The following NMBR variants were observed in gnomAD, a reference collection of about 807,000 sequenced individuals.
NMBR encodes neuromedin-B receptor.
In NMBR, 16 loss-of-function variants were observed where a neutral mutation model predicts 20.5. That is an observed-to-expected ratio of 0.78 (90% confidence interval 0.53 to 1.19). The LOEUF is 1.19. Among genes scored for constraint, NMBR ranks in the 50% most tolerant of loss-of-function variants. The pLI is 0.00. For missense variants in NMBR, 582 were observed against 499.1 expected (o/e 1.17, Z -1.58); for synonymous variants, 212 against 196.6 (o/e 1.08, Z -0.65).
At chr6:142,143,104 A>G (rs1380252179) in intron 1 of NMBR, among the ~76,000 whole-genome samples, 2 of 152,026 alleles carry the variant, frequency 1.3e-5, no homozygotes, top group African/African-American at 2.4e-5. Context: ...ATATAAATAA[A>G]CTTATGAGGA....
chr6:142,133,608 A>C (rs1582863225), intron 1 of NMBR, among the ~76,000 whole-genome samples: 1 of 152,160 alleles, frequency 6.6e-6, no homozygotes, highest in South Asian at 2.1e-4. Flanking sequence ...AAGCTGTATA[A>C]ATATTTCCAA....
chr6:142,116,988 T>C (rs924673764), intron 1 of NMBR, among the ~76,000 whole-genome samples: 22 of 151,994 alleles, frequency 1.4e-4, no homozygotes, highest in African/African-American at 5.3e-4. Flanking sequence ...ATAAAAACTA[T>C]TATTAAAAAC....
intron 1 of NMBR, chr6:142,133,783 AT>A: frequency 3.7e-6 from 2 of 547,182 alleles, no homozygotes; most frequent in South Asian, 2.8e-5. Flanking sequence ...TGATATAAGG[AT>A]TTTTTTAAAT....
intron 2 of NMBR, among the ~76,000 whole-genome samples, chr6:142,079,684 T>C (rs921473906): frequency 6.6e-6 from 1 of 152,100 alleles, no homozygotes; most frequent in Non-Finnish European, 1.5e-5. Context: ...ATAAAATAAA[T>C]AAAAGACTCA....
At position 142,088,730 on chromosome 6, in the gene NMBR, T is replaced by TAAACC; in HGVS notation, c.-73_-72insGGTTT. ...GCCCTGAGGACTGAACGCCCACGATTTAGGTTTAATCGATGTCCCTCCCTC... is the reference window on the plus strand; with the variant it reads ...GCCCTGAGGACTGAACGCCCACGATTAAACCTAGGTTTAATCGATGTCCCTCCCTC... On this transcript the variant is annotated 5_prime_UTR_variant, in exon 2 of 4. Transcript: ENST00000258042. The TAAACC allele has an allele frequency of 7.3e-7, 1 of 1,376,634 alleles. No homozygotes were observed. The highest frequency in any genetic ancestry group is 9.9e-7 in the Non-Finnish European group (1 of 1,013,768). The allele number at this position is 1,376,634 out of a possible 1,614,324, so 85.3% of individuals were successfully genotyped here.
At chr6:142,086,085 A>ATAAAAAAT (rs1777193704) in intron 2 of NMBR, among the ~76,000 whole-genome samples, 1 of 151,198 alleles carries the variant, frequency 6.6e-6, no homozygotes, top group East Asian at 1.9e-4. Context: ...CTGCTGGTAA[A>ATAAAAAAT]TAAAAAATAC....
chr6:142,128,828 T>C (rs1778086761), intron 1 of NMBR, among the ~76,000 whole-genome samples: 2 of 151,702 alleles, frequency 1.3e-5, no homozygotes, highest in Non-Finnish European at 2.9e-5. Flanking sequence ...AGTTTTCTTG[T>C]GGTGTTTTTG....
At chr6:142,111,301 C>T (rs770348085) in intron 1 of NMBR, among the ~76,000 whole-genome samples, 15 of 151,756 alleles carry the variant, frequency 9.9e-5, no homozygotes, top group Non-Finnish European at 1.8e-4. Context: ...ACAGGCTTAG[C>T]CTTTATACCA....
At chr6:142,079,086 A>G (rs1024026513) in intron 2 of NMBR, among the ~76,000 whole-genome samples, 183 bp from the exon 3 acceptor site, 188 of 112,742 alleles carry the variant, frequency 1.7e-3, no homozygotes, top group East Asian at 0.013. Flanking sequence ...GAAAGAAAGA[A>G]AGAGAGAAAG....
At chr6:142,114,948 A>G (rs904332861) in intron 1 of NMBR, among the ~76,000 whole-genome samples, 2 of 152,166 alleles carry the variant, frequency 1.3e-5, no homozygotes, top group African/African-American at 4.8e-5. Flanking sequence ...TCAGCTAGAT[A>G]GTGACAGTAA....
At position 142,074,745 on chromosome 6, in the gene NMBR, T is replaced by G. The variant is rs1173546551; in HGVS notation, c.*903A>C. On this transcript the variant is annotated 3_prime_UTR_variant, in exon 4 of 4. Coordinates refer to ENST00000258042, the MANE Select transcript of NMBR (RefSeq NM_002511.4). Reference sequence around the variant, plus strand: ...ACATCTATACACAATCATCCAAATATTCGAGGATTTAGCAATGTATACTAA... The same window carrying G: ...ACATCTATACACAATCATCCAAATAGTCGAGGATTTAGCAATGTATACTAA... Among the ~76,000 whole-genome samples the G allele has an allele frequency of 1.3e-5, 2 of 152,094 alleles. No homozygotes were observed. The highest frequency in any genetic ancestry group is 3.9e-4 in the East Asian group (2 of 5,180).
chr6:142,078,485 C>G, intron 3 of NMBR, 70 bp downstream of exon 3: 2 of 889,666 alleles, frequency 2.2e-6, no homozygotes, highest in Non-Finnish European at 3.4e-6. Flanking sequence ...TAAAAGCCCA[C>G]AAAATAAAAC....
chr6:142,096,417 A>G (rs1238502718), intron 1 of NMBR, among the ~76,000 whole-genome samples: 1 of 152,192 alleles, frequency 6.6e-6, no homozygotes, highest in Non-Finnish European at 1.5e-5. Context: ...TGTACCCAGT[A>G]GTCATTCAGG....
intron 3 of NMBR, among the ~76,000 whole-genome samples, chr6:142,078,059 T>G (rs1329496910): frequency 2.0e-5 from 3 of 152,186 alleles, no homozygotes; most frequent in Non-Finnish European, 4.4e-5. Flanking sequence ...GTTCCTTTTC[T>G]GCTGCTCTTG....
intron 1 of NMBR, among the ~76,000 whole-genome samples, chr6:142,124,180 T>G (rs977017247): frequency 1.4e-4 from 22 of 151,858 alleles, no homozygotes; most frequent in African/African-American, 5.3e-4. Flanking sequence ...TCAAGACAGC[T>G]CCAGAAACCC....
chr6:142,095,080 C>G (rs1270300128), intron 1 of NMBR, among the ~76,000 whole-genome samples: 2 of 152,070 alleles, frequency 1.3e-5, no homozygotes, highest in African/African-American at 4.8e-5. Context: ...TCTAGATATA[C>G]AATCATGTCA....
intron 1 of NMBR, among the ~76,000 whole-genome samples, chr6:142,115,947 G>A (rs989394673): frequency 2.6e-5 from 4 of 151,946 alleles, no homozygotes; most frequent in African/African-American, 7.2e-5. Context: ...GGAGGAACCC[G>A]GTGGGAGGTC....
chr6:142,125,737 C>T (rs1344969942), intron 1 of NMBR, among the ~76,000 whole-genome samples: 1 of 151,754 alleles, frequency 6.6e-6, no homozygotes, highest in Non-Finnish European at 1.5e-5. Context: ...GTATACCTAA[C>T]AAATAATTAT....
chr6:142,086,143 T>C (rs2114563732), intron 2 of NMBR, among the ~76,000 whole-genome samples: 1 of 152,240 alleles, frequency 6.6e-6, no homozygotes, highest in Admixed American at 6.5e-5. Context: ...GGATTAATGG[T>C]GAAGAGTTCA....
Sources: allele counts gnomAD v4.1 joint callset (sites outside exome capture counted in the v4.1 genomes callset), GRCh38; gene constraint gnomAD v4.1.1; transcripts MANE v1.5; gene names NCBI Gene and HGNC (gene_info 2026-07-23, HGNC 2026-07-21).